The following ZBTB16 variants were observed in gnomAD, a reference collection of about 807,000 sequenced individuals.
ZBTB16 encodes zinc finger and BTB domain-containing protein 16.
A neutral mutation model predicts 56.8 loss-of-function variants in ZBTB16; 8 were observed. That is an observed-to-expected ratio of 0.14 (90% CI 0.08 to 0.25). ZBTB16 has a LOEUF of 0.25. ZBTB16 is among the 10% of genes least tolerant of loss of function. ZBTB16 has a pLI of 1.00. For synonymous variants in ZBTB16, 363 were observed against 368.5 expected, an observed-to-expected ratio of 0.98 and a Z score of 0.17; for missense variants, 625 against 903.0, an observed-to-expected ratio of 0.69 and a Z score of 3.95.
chr11:114,076,294 C>T (rs1057332882), intron 2 of ZBTB16, among the ~76,000 whole-genome samples: 3 of 152,086 alleles, frequency 2.0e-5, no homozygotes, highest in African/African-American at 4.8e-5. Flanking sequence ...ATTGCAAAGC[C>T]GAAGGACTAG....
At chr11:114,104,908 A>C (rs1940734534) in intron 2 of ZBTB16, among the ~76,000 whole-genome samples, 1 of 152,178 alleles carries the variant, frequency 6.6e-6, no homozygotes, top group Non-Finnish European at 1.5e-5. Context: ...GATTGAGTCC[A>C]CTGGGGCATC....
At position 114,063,129 on chromosome 11, in the gene ZBTB16, G is replaced by T. The variant is rs1306935905; in HGVS notation, c.-90-82G>T. 2.8e-6 allele frequency: 2 copies of T among 720,520 alleles called. No homozygotes were observed. The highest frequency in any genetic ancestry group is 4.6e-6 in the Non-Finnish European group (2 of 430,208). The allele number at this position is 720,520 out of a possible 1,614,324, so 44.6% of individuals were successfully genotyped here. On this transcript the variant is annotated intron_variant, in intron 1 of 6. Coordinates refer to ENST00000335953, the MANE Select transcript of ZBTB16 (RefSeq NM_006006.6). This position sits in a 1 kb window ranked among gnomAD's most constrained non-coding sequence, Gnocchi z 6.5. ...GAGGAGGGGGCATGTTGTAGTGGTT[G>T]AATTCTTACTTTTAGGGACACTGAT...
At chr11:114,158,194 C>G (rs555652953) in intron 3 of ZBTB16, among the ~76,000 whole-genome samples, 1 of 152,234 alleles carries the variant, frequency 6.6e-6, no homozygotes, top group South Asian at 2.1e-4. Flanking sequence ...GAGTGTGGTG[C>G]GTCCTGCCCT....
intron 3 of ZBTB16, among the ~76,000 whole-genome samples, chr11:114,167,655 CT>C (rs1468607192): frequency 2.0e-5 from 3 of 152,160 alleles, no homozygotes; most frequent in African/African-American, 7.2e-5. Context: ...CCCCAGCCCC[CT>C]CCTGCTCTCC....
intron 3 of ZBTB16, among the ~76,000 whole-genome samples, chr11:114,182,851 C>T (rs1943279925): frequency 6.6e-6 from 1 of 152,194 alleles, no homozygotes; most frequent in Non-Finnish European, 1.5e-5. Flanking sequence ...CAGTGAACAA[C>T]ATATGCACAG....
intron 2 of ZBTB16, among the ~76,000 whole-genome samples, chr11:114,146,824 G>C (rs897418329): frequency 1.4e-5 from 2 of 146,612 alleles, no homozygotes; most frequent in Non-Finnish European, 3.0e-5. Flanking sequence ...ACTCCAGCCT[G>C]GGCGATAGAG....
intron 2 of ZBTB16, among the ~76,000 whole-genome samples, chr11:114,149,697 C>G (rs1434530881): frequency 6.6e-6 from 1 of 152,078 alleles, no homozygotes; most frequent in Non-Finnish European, 1.5e-5. Context: ...TGGTAATACC[C>G]GCTAAGCATT....
At chr11:114,122,920 G>A (rs1157215369) in intron 2 of ZBTB16, among the ~76,000 whole-genome samples, 2 of 152,194 alleles carry the variant, frequency 1.3e-5, no homozygotes, top group African/African-American at 4.8e-5. Flanking sequence ...TACAGACTGG[G>A]TGGCTCAAAC....
intron 2 of ZBTB16, among the ~76,000 whole-genome samples, chr11:114,151,182 G>T (rs781064261): frequency 2.5e-4 from 38 of 152,178 alleles, no homozygotes; most frequent in Non-Finnish European, 5.3e-4. Context: ...AAGCATCGGG[G>T]TGACTTTTGC....
intron 2 of ZBTB16, among the ~76,000 whole-genome samples, chr11:114,121,351 G>A (rs915152558): frequency 3.9e-5 from 6 of 152,324 alleles, no homozygotes; most frequent in Admixed American, 1.3e-4. Flanking sequence ...GTGTGGAAGC[G>A]CTAGGAGTCC....
intron 3 of ZBTB16, among the ~76,000 whole-genome samples, chr11:114,166,800 C>T (rs1460049263): frequency 6.6e-6 from 1 of 152,166 alleles, no homozygotes; most frequent in Non-Finnish European, 1.5e-5. Flanking sequence ...CACTGAAGAA[C>T]CTTTTCATTT....
At chr11:114,074,125 C>T (rs1475277201) in intron 2 of ZBTB16, among the ~76,000 whole-genome samples, 2 of 152,192 alleles carry the variant, frequency 1.3e-5, no homozygotes, top group East Asian at 1.9e-4. Flanking sequence ...CACTTGTAAC[C>T]TAAAGCACAC....
At chr11:114,114,376 T>G (rs1941109147) in intron 2 of ZBTB16, among the ~76,000 whole-genome samples, 1 of 152,246 alleles carries the variant, frequency 6.6e-6, no homozygotes, top group Admixed American at 6.5e-5. Context: ...TATCATTTGT[T>G]AGACCTTTTG....
At chr11:114,103,850 A>G (rs1263470820) in intron 2 of ZBTB16, among the ~76,000 whole-genome samples, 1 of 152,142 alleles carries the variant, frequency 6.6e-6, no homozygotes, top group Non-Finnish European at 1.5e-5. Context: ...TGGTGGCATC[A>G]GTGGTGCACT....
chr11:114,087,104 C>G (rs547125097), intron 2 of ZBTB16, among the ~76,000 whole-genome samples: 74 of 152,308 alleles, frequency 4.9e-4, no homozygotes, highest in African/African-American at 1.7e-3. Context: ...CCACCTCCCC[C>G]TCTTCCTGAG....
chr11:114,203,275 A>G (rs571662402), intron 4 of ZBTB16, among the ~76,000 whole-genome samples: 1 of 152,366 alleles, frequency 6.6e-6, no homozygotes, highest in African/African-American at 2.4e-5. Context: ...CAGTTAGTAG[A>G]TTAGTGGATG....
chr11:114,082,354 A>T (rs971696939), intron 2 of ZBTB16, among the ~76,000 whole-genome samples: 1 of 152,172 alleles, frequency 6.6e-6, no homozygotes, highest in South Asian at 2.1e-4. Context: ...CAGTGCAGTT[A>T]TTGTGTGGGA....
chr11:114,149,266 C>G lies in ZBTB16; in HGVS notation c.1269-7071C>G, dbSNP rs115596890. Among the ~76,000 whole-genome samples the G allele has an allele frequency of 7.4e-3, 1,121 of 152,310 alleles. 19 individuals are homozygous for G. Among genetic ancestry groups the G allele is most frequent in the African/African-American group, 0.026 (1,081 of 41,560 alleles). On this transcript the variant is annotated intron_variant, in intron 2 of 6. Transcript: ENST00000335953. Reference sequence around the variant, plus strand: ...TATCTGCAGAGCCAGGTCCCCTGCACTCAGCCCGATGTATATATATGTACA... The same window carrying G: ...TATCTGCAGAGCCAGGTCCCCTGCAGTCAGCCCGATGTATATATATGTACA...
chr11:114,208,183 C>T (rs11214903), intron 4 of ZBTB16, among the ~76,000 whole-genome samples: 28,857 of 152,156 alleles, frequency 0.19, 3,096 homozygotes, highest in Middle Eastern at 0.31. Flanking sequence ...TGCCACTGCA[C>T]GAGTTAGGGT....
Sources: gnomAD v4.1 joint callset for allele counts (sites outside exome capture counted in the v4.1 genomes callset) on GRCh38, gnomAD v4.1.1 for gene constraint, Gnocchi (gnomAD v3.1) non-coding constraint, MANE v1.5 for transcripts, NCBI Gene and HGNC (gene_info 2026-07-23, HGNC 2026-07-21) for gene names.